Variants in PCSK7 observed in about 807,000 individuals in gnomAD.
The protein encoded by PCSK7 is lymphoma proprotein convertase.
In PCSK7, 38 loss-of-function variants were observed where a neutral mutation model predicts 73.3. That is an observed-to-expected ratio of 0.52 (90% confidence interval 0.40 to 0.68). The LOEUF is 0.68. PCSK7 is among the 30% of genes least tolerant of loss of function. The pLI is 0.00. For missense variants in PCSK7, 692 were observed against 991.5 expected (o/e 0.70, Z 4.06); for synonymous variants, 296 against 383.8 (o/e 0.77, Z 2.68).
rs765567568 is a variant in PCSK7, at chr11:117,224,088, G to A, written c.1044C>T (p.Thr348=). ...ACATTGGGTGACTACCTATGGTGACGGTGTAGATGGAGTTGGCGTAGCCAT... is the reference window on the plus strand; with the variant it reads ...ACATTGGGTGACTACCTATGGTGACAGTGTAGATGGAGTTGGCGTAGCCAT... The part of the protein sequence containing the change: ...NYDGYANSIY[T]VTIGAVDEEG... The change falls in exon 8 of 17, where the codon ACC becomes ACT. Residue 348 remains threonine (T), a synonymous_variant. Coordinates refer to ENST00000320934, the MANE Select transcript of PCSK7 (RefSeq NM_004716.4). 1.2e-5 allele frequency: 20 copies of A among 1,614,052 alleles called. No homozygotes were observed. Among genetic ancestry groups the A allele is most frequent in the Admixed American group, 5.0e-5 (3 of 60,006 alleles).
chr11:117,216,018 T>G (rs1191479688), intron 12 of PCSK7: 1 of 152,116 alleles, frequency 6.6e-6, no homozygotes, highest in Non-Finnish European at 1.5e-5. Context: ...AATTTTATTT[T>G]TTGTAGAAAT....
In PCSK7 at chr11:117,219,619, T is replaced by C; in HGVS notation, c.1295A>G (p.Gln432Arg). The change falls in exon 10 of 17, where the codon CAG (glutamine) becomes CGG (arginine). Residue 432 changes from glutamine to arginine, a missense_variant. Around this residue, in one of 6 missense-constraint regions of PCSK7, gnomAD observed 574 missense variants for 689.8 expected, o/e 0.83. Coordinates refer to ENST00000320934, the MANE Select transcript of PCSK7 (RefSeq NM_004716.4). ...VRPCLTWRDV[Q>R]HIIVFTATRY... Reference sequence around the variant, plus strand: ...GGTGGCTGTGAAGACAATGATGTGCTGGACGTCACGCCACGTGAGGCAGGG... The same window carrying C: ...GGTGGCTGTGAAGACAATGATGTGCCGGACGTCACGCCACGTGAGGCAGGG... 1 of 1,613,034 alleles carries C rather than the reference T, an allele frequency of 6.2e-7. No homozygotes were observed. The highest frequency in any genetic ancestry group is 8.5e-7 in the Non-Finnish European group (1 of 1,179,656).
intron 12 of PCSK7, chr11:117,215,380 G>GTGTGTGTGTATATATATATATATA (rs1164738557): frequency 1.8e-5 from 1 of 55,900 alleles, no homozygotes; most frequent in Non-Finnish European, 2.8e-5. Flanking sequence ...GTGTGTGTGT[G>GTGTGTGTGTATATATATATATATA]TATATATATA....
rs1178205270 is a variant in PCSK7 at position 117,229,480 on chromosome 11, G to A, written c.365C>T (p.Ala122Val). The change falls in exon 3 of 17, where the codon GCT (alanine) becomes GTT (valine). Residue 122 changes from alanine to valine, a missense_variant. Ala to Val is a moderately conservative substitution (Grantham distance 64, BLOSUM62 0). Coordinates refer to ENST00000320934, the MANE Select transcript of PCSK7 (RefSeq NM_004716.4). ...AIRQQVEAVLAGHEAVRWHSE... is the reference protein window; with the variant it reads ...AIRQQVEAVLVGHEAVRWHSE... ...GTGCCAGCGCACAGCTTCATGCCCA[G>A]CCAACACAGCCTCCACCTGCTGCCG... is the stretch of plus-strand genomic sequence containing the variant. 3.1e-6 allele frequency: 5 copies of A among 1,611,702 alleles called. No individual in the cohort carries two copies. The highest frequency in any genetic ancestry group is 3.4e-6 in the Non-Finnish European group (4 of 1,180,028).
At position 117,219,108 on chromosome 11, in the gene PCSK7, G is replaced by A; in HGVS notation, c.1380C>T (p.His460=). ...CGTTGAGGAGGCCGAAACCGTGCTG[G>A]TGGCTATGGCTGAAGCCTGCCTCGT... The part of the protein sequence containing the change: ...VTNEAGFSHS[H]QHGFGLLNAW... The change falls in exon 11 of 17, where the codon CAC becomes CAT. Residue 460 remains histidine (H), a synonymous_variant. Transcript: ENST00000320934. The A allele has an allele frequency of 6.2e-7, 1 of 1,611,288 alleles. No homozygotes were observed. The highest frequency in any genetic ancestry group is 8.5e-7 in the Non-Finnish European group (1 of 1,179,972).
Position 117,218,232 on chromosome 11 carries a change from T to A in PCSK7, c.1534+234A>T. ...CACCCGCCCTCCTCCTCAGTTGCTC[T>A]GCTGCTCCTTTTCACTACTAGGAAC... On this transcript the variant is annotated intron_variant, in intron 12 of 16. Transcript: ENST00000320934. This position sits in a 1 kb window ranked among gnomAD's most constrained non-coding sequence, Gnocchi z 4.0. The A allele has an allele frequency of 1.1e-5, 2 of 189,686 alleles. No homozygotes were observed. The highest frequency in any genetic ancestry group is 2.2e-5 in the Non-Finnish European group (2 of 91,126). 11.8% of individuals were successfully genotyped at this position (189,686 alleles called of 1,614,324 possible).
chr11:117,227,365 A>G (rs751248000), intron 4 of PCSK7, 43 bp from the exon 5 acceptor site: 1 of 1,472,284 alleles, frequency 6.8e-7, no homozygotes, highest in Non-Finnish European at 9.5e-7. Context: ...CACTGGTTAG[A>G]GGGGATCAGG....
In PCSK7 at chr11:117,224,087, C is replaced by T. The variant is rs372878339; in HGVS notation, c.1045G>A (p.Val349Ile). The stretch of plus-strand genomic sequence containing the variant: ...AACATTGGGTGACTACCTATGGTGA[C>T]GGTGTAGATGGAGTTGGCGTAGCCA... ...YDGYANSIYT[V>I]TIGAVDEEGR... The change falls in exon 8 of 17, where the codon GTC becomes ATC. Residue 349 changes from valine (V) to isoleucine (I), a missense_variant. Coordinates refer to ENST00000320934, the MANE Select transcript of PCSK7 (RefSeq NM_004716.4). The T allele has an allele frequency of 8.7e-6, 14 of 1,614,028 alleles. No homozygotes were observed. The highest frequency in any genetic ancestry group is 5.0e-5 in the Admixed American group (3 of 59,998).
intron 12 of PCSK7, chr11:117,212,207 T>C (rs2031758536): frequency 6.6e-6 from 1 of 152,118 alleles, no homozygotes; most frequent in African/African-American, 2.4e-5. Flanking sequence ...TGTTTTTAAT[T>C]GTTTTCTTCT....
chr11:117,219,162 A>G lies in PCSK7; in HGVS notation c.1326T>C (p.Tyr442=). 6.2e-7 allele frequency: 1 copy of G among 1,604,100 alleles called. No homozygotes were observed. Among genetic ancestry groups the G allele is most frequent in the Non-Finnish European group, 8.5e-7 (1 of 1,174,932 alleles). Residue 442 remains tyrosine (Y), a splice_region_variant and synonymous_variant, in exon 11 of 17, where the codon TAT becomes TAC. Transcript: ENST00000320934. ...QHIIVFTATR[Y]EDRRAEWVTN... is the part of the protein sequence containing the mutation. ...TGACCCACTCTGCACGGCGATCCTC[A>G]TACTGAAAGGACAGAGGTCCTGGTT...
In PCSK7 at chr11:117,228,334, G is replaced by C; in HGVS notation, c.485C>G (p.Pro162Arg). The change falls in exon 4 of 17, where the codon CCG becomes CGG. Residue 162 changes from proline to arginine, a missense_variant. Coordinates refer to ENST00000320934, the MANE Select transcript of PCSK7 (RefSeq NM_004716.4). ...ACCCGTCACGTTGATGTCCCTGCCC[G>C]GGCTCCGTCGGTTATTCTGTAAGAG... ...QQWHLNNRRS[P>R]GRDINVTGVW... The C allele has an allele frequency of 6.2e-7, 1 of 1,613,928 alleles. No homozygotes were observed. Among genetic ancestry groups the C allele is most frequent in the Non-Finnish European group, 8.5e-7 (1 of 1,179,864 alleles).
In PCSK7 at chr11:117,229,369, G is replaced by A. The variant is rs763567997; in HGVS notation, c.468+8C>T. The stretch of plus-strand genomic sequence containing the variant: ...ACCTGAAACTGCAAACTGCAGGACT[G>A]GACTCACCAGGTGCCATTGCTGCGG... On this transcript the variant is annotated splice_region_variant and intron_variant, in intron 3 of 16. Transcript: ENST00000320934. 1.9e-6 allele frequency: 3 copies of A among 1,598,278 alleles called. No homozygotes were observed. Among genetic ancestry groups the A allele is most frequent in the Non-Finnish European group, 1.7e-6 (2 of 1,175,766 alleles).
Position 117,229,257 on chromosome 11 carries a change from G to C in PCSK7, c.468+120C>G. ...GAGCCTAGGGAAACACCACAGAACC[G>C]GGAAATGGTCCCTCAGGCAAAGGAT... On this transcript the variant is annotated intron_variant, in intron 3 of 16. Transcript: ENST00000320934. 5.0e-6 allele frequency: 4 copies of C among 801,980 alleles called. No individual in the cohort carries two copies. In the South Asian group the frequency reaches 6.5e-5, roughly 13 times the overall value. The allele number at this position is 801,980 out of a possible 1,614,324, so 49.7% of individuals were successfully genotyped here.
intron 1 of PCSK7, chr11:117,231,695 G>A (rs983722615): frequency 1.3e-5 from 2 of 152,272 alleles, no homozygotes; most frequent in Admixed American, 6.5e-5. Context: ...TGACAAGGAA[G>A]AAGAGAATGG....
chr11:117,229,781 A>G lies in PCSK7; in HGVS notation c.64T>C (p.Trp22Arg). The part of the protein sequence containing the change: ...DAPLGLPTCL[W>R]LELAGLFLLV... ...AAGAAGAGCCCGGCTAATTCCAGCC[A>G]GAGGCAGGTGGGCAGGCCCAGGGGG... Residue 22 changes from tryptophan (W) to arginine (R), a missense_variant, in exon 3 of 17, where the codon TGG becomes CGG. Trp to Arg is a moderately radical substitution (Grantham distance 101). Transcript: ENST00000320934. 1 of 1,611,618 alleles carries G rather than the reference A, an allele frequency of 6.2e-7. No individual in the cohort carries two copies. Among genetic ancestry groups the G allele is most frequent in the African/African-American group, 1.3e-5 (1 of 75,032 alleles).
At chr11:117,216,955 C>A (rs539038589) in intron 12 of PCSK7, 1 of 152,226 alleles carries the variant, frequency 6.6e-6, no homozygotes, top group African/African-American at 2.4e-5. Flanking sequence ...TGAAACAAAA[C>A]AAAAAATCCC....
At chr11:117,224,614 G>T in intron 7 of PCSK7, 87 bp downstream of exon 7, 2 of 1,058,924 alleles carry the variant, frequency 1.9e-6, no homozygotes, top group Non-Finnish European at 3.0e-6. Context: ...GAGGTGGAGT[G>T]GGAAGATGGG....
At chr11:117,230,999 G>A (rs972083699) in intron 1 of PCSK7, 10 of 150,876 alleles carry the variant, frequency 6.6e-5, no homozygotes, top group Admixed American at 3.3e-4. Flanking sequence ...TCAGACTCCA[G>A]ACTGGGACTC....
rs2032342168 is a variant in PCSK7, at chr11:117,224,686, G to C, written c.915+15C>G. 6.2e-7 allele frequency: 1 copy of C among 1,605,702 alleles called. No homozygotes were observed. The highest frequency in any genetic ancestry group is 8.5e-7 in the Non-Finnish European group (1 of 1,172,278). On this transcript the variant is annotated intron_variant, in intron 7 of 16. Transcript: ENST00000320934. ...GGGCATCCCGTTTCTCAGAGTCTTT[G>C]TGCAGGCCAGTTACCTTTCCAAGCT...
Sources: allele counts gnomAD v4.1 joint callset, GRCh38; gene constraint gnomAD v4.1.1; regional missense constraint gnomAD v4.1.1; non-coding constraint Gnocchi (gnomAD v3.1); transcripts MANE v1.5; gene names NCBI Gene and HGNC (gene_info 2026-07-23, HGNC 2026-07-21).